Variants in LRRC7 observed in about 807,000 individuals in gnomAD.
LRRC7 encodes leucine rich repeat containing 7, also known as leucine-rich repeat-containing protein 7.
LRRC7 carries 23 observed loss-of-function variants against 175.7 expected under a neutral mutation model. The ratio of observed to expected loss-of-function variants is 0.13; its 90% CI spans 0.09 to 0.19. The LOEUF is 0.19. LRRC7 is among the 10% of genes least tolerant of loss of function. The probability of loss-of-function intolerance (pLI) is 1.00; values close to 1 mark genes in which losing one functional copy is unlikely to be tolerated. For synonymous variants in LRRC7, 685 were observed against 680.9 expected (o/e 1.01, Z -0.09); for missense variants, 1,354 against 1,904.7 (o/e 0.71, Z 5.38).
At chr1:69,852,160 G>A (rs1042106944) in intron 7 of LRRC7, among the ~76,000 whole-genome samples, 6 of 151,796 alleles carry the variant, frequency 4.0e-5, no homozygotes, top group Non-Finnish European at 7.4e-5. Flanking sequence ...CACATTTCTC[G>A]ATGGGAGCAT....
At chr1:69,896,535 G>A (rs1390319976) in intron 7 of LRRC7, among the ~76,000 whole-genome samples, 1 of 152,068 alleles carries the variant, frequency 6.6e-6, no homozygotes, top group Non-Finnish European at 1.5e-5. Flanking sequence ...CTTATACATG[G>A]ATTAAAAGTG....
chr1:69,574,536 G>T (rs946698391), intron 1 of LRRC7, among the ~76,000 whole-genome samples: 20 of 152,132 alleles, frequency 1.3e-4, no homozygotes, highest in African/African-American at 4.8e-4. Context: ...GTATTATGAA[G>T]ACATTTGTTG....
intron 1 of LRRC7, among the ~76,000 whole-genome samples, chr1:69,614,412 T>G (rs1477730103): frequency 6.6e-6 from 1 of 152,046 alleles, no homozygotes; most frequent in African/African-American, 2.4e-5. Context: ...AGTACACCCC[T>G]GGAGTACATG....
chr1:69,717,802 G>GAAAGAAAGAAAGAAAGAAAGAAAT (rs1557640685), intron 2 of LRRC7, among the ~76,000 whole-genome samples: 2 of 20,652 alleles, frequency 9.7e-5, no homozygotes, highest in African/African-American at 5.9e-4. Flanking sequence ...AAGAAAGAAA[G>GAAAGAAAGAAAGAAAGAAAGAAAT]AAAGAAAGAA....
intron 2 of LRRC7, among the ~76,000 whole-genome samples, chr1:69,730,849 G>T (rs962028378): frequency 6.6e-6 from 1 of 152,146 alleles, no homozygotes; most frequent in South Asian, 2.1e-4. Context: ...CCTGAGACTA[G>T]GTAATTTATA....
chr1:69,825,171 T>C (rs1679762533), intron 4 of LRRC7, among the ~76,000 whole-genome samples: 1 of 152,140 alleles, frequency 6.6e-6, no homozygotes, highest in Non-Finnish European at 1.5e-5. Flanking sequence ...TGCTTGTCTC[T>C]TCACACTTTC....
intron 1 of LRRC7, among the ~76,000 whole-genome samples, chr1:69,579,729 G>A (rs1243222907): frequency 6.6e-6 from 1 of 151,258 alleles, no homozygotes; most frequent in East Asian, 1.9e-4. Flanking sequence ...AACATCATAG[G>A]ATTGTGCTTC....
intron 7 of LRRC7, among the ~76,000 whole-genome samples, chr1:69,858,346 T>C (rs555408644): frequency 2.0e-5 from 3 of 151,958 alleles, no homozygotes; most frequent in Non-Finnish European, 2.9e-5. Context: ...GGAAGAAAAT[T>C]TTTGCAATCT....
At chr1:70,029,220 A>G (rs934955237) in intron 18 of LRRC7, among the ~76,000 whole-genome samples, 1 of 152,184 alleles carries the variant, frequency 6.6e-6, no homozygotes, top group African/African-American at 2.4e-5. Flanking sequence ...TAATACCCCA[A>G]TAATTTAAAG....
chr1:69,896,467 T>C (rs1256821923), intron 7 of LRRC7, among the ~76,000 whole-genome samples: 1 of 152,164 alleles, frequency 6.6e-6, no homozygotes, highest in Non-Finnish European at 1.5e-5. Context: ...ATTACACAGA[T>C]GGTCAGTATA....
chr1:69,645,362 G>A lies in LRRC7; in HGVS notation c.3-33019G>A, dbSNP rs1471798988. Reference sequence around the variant, plus strand: ...TATAAAATACTTACTTATATGGTGGGCCTTCACCATATAGAGGCTCAGGCC... The same window carrying A: ...TATAAAATACTTACTTATATGGTGGACCTTCACCATATAGAGGCTCAGGCC... On this transcript the variant is annotated intron_variant, in intron 1 of 26. Coordinates refer to ENST00000651989, the MANE Select transcript of LRRC7 (RefSeq NM_001370785.2). Among the ~76,000 whole-genome samples, 3 of 151,890 alleles carry A rather than the reference G, an allele frequency of 2.0e-5. No individual in the cohort carries two copies. In the East Asian group the frequency reaches 5.8e-4, roughly 29 times the overall value.
chr1:70,059,558 C>A (rs1661420130), intron 23 of LRRC7, among the ~76,000 whole-genome samples: 1 of 150,998 alleles, frequency 6.6e-6, no homozygotes, highest in Non-Finnish European at 1.5e-5. Flanking sequence ...TACCCCACCC[C>A]CACCCCAACC....
At chr1:69,830,494 A>T (rs1680406538) in intron 5 of LRRC7, among the ~76,000 whole-genome samples, 1 of 151,814 alleles carries the variant, frequency 6.6e-6, no homozygotes, top group Non-Finnish European at 1.5e-5. Context: ...ATTCTATGTT[A>T]TTTTCAAAGT....
chr1:69,945,359 A>C (rs183413511), intron 8 of LRRC7, among the ~76,000 whole-genome samples: 3 of 151,992 alleles, frequency 2.0e-5, no homozygotes, highest in African/African-American at 7.2e-5. Flanking sequence ...TCATTGGTCT[A>C]TGTGTCTGTT....
At position 69,939,003 on chromosome 1, in the gene LRRC7, ATATATATATATCTATATATATATATATC is replaced by A. The variant is rs1344203480; in HGVS notation, c.711+7443_711+7470del. On this transcript the variant is annotated intron_variant, in intron 8 of 26. Transcript: ENST00000651989. Reference sequence around the variant, plus strand: ...GCCACTAAGGCTGTAGATTATATATATATATATATATCTATATATATATATATCTATATATATCTATATCTATCTCACA... The same window carrying A: ...GCCACTAAGGCTGTAGATTATATATATATATATATCTATATCTATCTCACA... 7.9e-4 allele frequency among the ~76,000 whole-genome samples: 78 copies of A among 98,390 alleles called. 1 individual carries two copies. The highest frequency in any genetic ancestry group is 2.7e-3 in the African/African-American group (76 of 28,296). 64.5% of individuals were successfully genotyped at this position (98,390 alleles called of 152,430 possible). A position where few individuals can be genotyped will look rare whatever the true frequency, so the allele number is the denominator to read the frequency against.
chr1:69,708,022 T>C (rs1664262891), intron 2 of LRRC7, among the ~76,000 whole-genome samples: 1 of 152,164 alleles, frequency 6.6e-6, no homozygotes, highest in Non-Finnish European at 1.5e-5. Context: ...AAAAGTAGGC[T>C]GAGAGATCAG....
At chr1:70,089,431 A>G (rs2102166487) in intron 24 of LRRC7, among the ~76,000 whole-genome samples, 1 of 152,024 alleles carries the variant, frequency 6.6e-6, no homozygotes, top group East Asian at 1.9e-4. Context: ...AGTGTTTATA[A>G]GACTTTTAAC....
At chr1:70,082,796 T>C (rs1406677636) in intron 24 of LRRC7, among the ~76,000 whole-genome samples, 2 of 110,004 alleles carry the variant, frequency 1.8e-5, no homozygotes, top group Admixed American at 1.0e-4. Context: ...TTTTTTTTTT[T>C]TTTTTTTTTT....
chr1:69,686,522 A>G (rs1482513488), intron 2 of LRRC7, among the ~76,000 whole-genome samples: 1 of 152,200 alleles, frequency 6.6e-6, no homozygotes, highest in Non-Finnish European at 1.5e-5. Flanking sequence ...ATGGTATAAC[A>G]CTGATACCAG....
Sources: allele counts gnomAD v4.1 joint callset (sites outside exome capture counted in the v4.1 genomes callset), GRCh38; gene constraint gnomAD v4.1.1; transcripts MANE v1.5; gene names NCBI Gene and HGNC (gene_info 2026-07-23, HGNC 2026-07-21).